The following LHFPL3 variants were observed in gnomAD, a reference collection of about 807,000 sequenced individuals.
LHFPL3 encodes LHFPL tetraspan subfamily member 3, also known as LHFPL tetraspan subfamily member 3 protein.
LHFPL3 carries 5 observed loss-of-function variants against 19.3 expected under a neutral mutation model. The observed-to-expected ratio is 0.26, with a 90% CI of 0.14 to 0.54. The LOEUF (loss-of-function observed/expected upper bound fraction) is 0.54. Among genes scored for constraint, LHFPL3 ranks in the 20% least tolerant of loss-of-function variants. The pLI is 0.94. For synonymous variants in LHFPL3, 133 were observed against 126.2 expected (o/e 1.05, Z -0.36); for missense variants, 249 against 307.4 (o/e 0.81, Z 1.42).
chr7:104,860,046 C>T (rs1013587795), intron 2 of LHFPL3, among the ~76,000 whole-genome samples: 6 of 152,120 alleles, frequency 3.9e-5, no homozygotes, highest in African/African-American at 1.2e-4. Flanking sequence ...ATGTGATAAA[C>T]ACCTGCTTAC....
chr7:104,715,537 A>G (rs1325822010), intron 1 of LHFPL3, among the ~76,000 whole-genome samples: 2 of 152,112 alleles, frequency 1.3e-5, no homozygotes, highest in Non-Finnish European at 2.9e-5. Flanking sequence ...CTTTTTATAC[A>G]TGGTGTTCAT....
chr7:104,725,307 G>A (rs571182654), intron 1 of LHFPL3, among the ~76,000 whole-genome samples: 1 of 152,268 alleles, frequency 6.6e-6, no homozygotes, highest in African/African-American at 2.4e-5. Flanking sequence ...CACACATCCT[G>A]TTCCAGTGAA....
intron 1 of LHFPL3, among the ~76,000 whole-genome samples, chr7:104,445,082 G>A (rs1792305476): frequency 6.6e-6 from 1 of 152,104 alleles, no homozygotes; most frequent in South Asian, 2.1e-4. Context: ...GGGTTGCCTA[G>A]GCAGTTTTTT....
intron 1 of LHFPL3, among the ~76,000 whole-genome samples, chr7:104,519,049 A>G (rs1009796580): frequency 2.0e-5 from 3 of 152,052 alleles, no homozygotes; most frequent in African/African-American, 7.2e-5. Context: ...TCTTCCAGCA[A>G]AACTCTCCAT....
rs1167618176 is a variant in LHFPL3, at chr7:104,723,722, CAAAAAAAAAAAAAAAA to C, written c.446-12939_446-12924del. ...GGGCGACAGAGCAAGACTATGTCTC[CAAAAAAAAAAAAAAAA>C]AAAAAAAAAAAAAGATGATCTCTGA... On this transcript the variant is annotated intron_variant, in intron 1 of 2. Transcript: ENST00000424859. 1.5e-3 allele frequency among the ~76,000 whole-genome samples: 71 copies of C among 46,954 alleles called. 1 individual carries two copies. Among genetic ancestry groups the C allele is most frequent in the East Asian group, 6.0e-3 (8 of 1,338 alleles). The allele number at this position is 46,954 out of a possible 152,430, so 30.8% of individuals were successfully genotyped here.
intron 1 of LHFPL3, chr7:104,667,847 T>G: frequency 6.2e-7 from 1 of 1,611,666 alleles, no homozygotes; most frequent in South Asian, 1.1e-5. Flanking sequence ...GAAGCACCTA[T>G]GTTTCCAAAC....
At chr7:104,558,282 T>G (rs1263156577) in intron 1 of LHFPL3, among the ~76,000 whole-genome samples, 8 of 149,942 alleles carry the variant, frequency 5.3e-5, no homozygotes, top group Non-Finnish European at 1.0e-4. Context: ...TGAACTAGTT[T>G]ACAGTCCCAC....
chr7:104,704,379 A>T (rs1187492507), intron 1 of LHFPL3, among the ~76,000 whole-genome samples: 1 of 152,248 alleles, frequency 6.6e-6, no homozygotes, highest in Non-Finnish European at 1.5e-5. Context: ...ACTTGATAAC[A>T]TATTAACCAG....
chr7:104,686,615 G>A (rs543361146), intron 1 of LHFPL3, among the ~76,000 whole-genome samples: 5 of 152,236 alleles, frequency 3.3e-5, no homozygotes, highest in Non-Finnish European at 5.9e-5. Flanking sequence ...CCTAGAGGTA[G>A]CATCAGATCC....
intron 1 of LHFPL3, among the ~76,000 whole-genome samples, chr7:104,534,952 A>C (rs1252494081): frequency 6.6e-6 from 1 of 152,178 alleles, no homozygotes; most frequent in African/African-American, 2.4e-5. Flanking sequence ...CTTTGCCTTC[A>C]CTGTTGCCTC....
At chr7:104,826,393 G>A (rs546732146) in intron 2 of LHFPL3, 108 of 160,908 alleles carry the variant, frequency 6.7e-4, no homozygotes, top group Non-Finnish European at 1.2e-3. Flanking sequence ...CTGCATCAGC[G>A]CAGTCCATCC....
At chr7:104,437,752 A>G (rs1317418970) in intron 1 of LHFPL3, among the ~76,000 whole-genome samples, 1 of 152,136 alleles carries the variant, frequency 6.6e-6, no homozygotes, top group Non-Finnish European at 1.5e-5. Flanking sequence ...CAGAGCTTCC[A>G]TACTGTCTCT....
intron 2 of LHFPL3, chr7:104,845,513 C>T (rs1791297225): frequency 6.8e-7 from 1 of 1,473,012 alleles, no homozygotes; most frequent in East Asian, 2.6e-5. Flanking sequence ...CCGCTGTTTT[C>T]TGATTCCCGC....
chr7:104,365,800 A>C (rs867030775), intron 1 of LHFPL3, among the ~76,000 whole-genome samples: 1 of 146,552 alleles, frequency 6.8e-6, no homozygotes, highest in African/African-American at 2.5e-5. Context: ...AAAAAAAAAA[A>C]AAAAAGAAAA....
Position 104,467,196 on chromosome 7 carries a change from A to G in LHFPL3, c.445+137972A>G, listed in dbSNP as rs189390325. 8.5e-5 allele frequency among the ~76,000 whole-genome samples: 13 copies of G among 152,298 alleles called. No individual in the cohort carries two copies. In the East Asian group the frequency reaches 1.5e-3, roughly 18 times the overall value. ...TCTCTGGTGGTGTTAATAACATTCA[A>G]TGTAAAAAATGGGAGCGGGGCTGGT... On this transcript the variant is annotated intron_variant, in intron 1 of 2. Transcript: ENST00000424859.
intron 1 of LHFPL3, among the ~76,000 whole-genome samples, chr7:104,672,395 T>C (rs377521720): frequency 1.1e-4 from 17 of 152,340 alleles, no homozygotes; most frequent in African/African-American, 4.1e-4. Flanking sequence ...GTCTATATCC[T>C]AGTTCATCTT....
chr7:104,767,896 G>A (rs1794483710), intron 2 of LHFPL3, among the ~76,000 whole-genome samples: 1 of 152,046 alleles, frequency 6.6e-6, no homozygotes. Context: ...TAAGGAAATT[G>A]TAGAACAAAG....
At chr7:104,460,325 C>A (rs1792634454) in intron 1 of LHFPL3, among the ~76,000 whole-genome samples, 1 of 152,078 alleles carries the variant, frequency 6.6e-6, no homozygotes, top group African/African-American at 2.4e-5. Context: ...ATGTGTGTGT[C>A]TTTATGGTAG....
intron 2 of LHFPL3, among the ~76,000 whole-genome samples, chr7:104,761,699 A>T (rs73415656): frequency 6.6e-6 from 1 of 152,362 alleles, no homozygotes; most frequent in African/African-American, 2.4e-5. Flanking sequence ...AAGCAAGTAG[A>T]ACAGTCGTAG....
Sources: allele counts gnomAD v4.1 joint callset (sites outside exome capture counted in the v4.1 genomes callset), GRCh38; gene constraint gnomAD v4.1.1; transcripts MANE v1.5; gene names NCBI Gene and HGNC (gene_info 2026-07-23, HGNC 2026-07-21).